STRBP: variants seen among roughly 807,000 people sequenced by gnomAD.
STRBP encodes the protein spermatid perinuclear RNA-binding protein.
Under a neutral mutation model 80.1 loss-of-function variants are expected in STRBP, and 13 were observed. That is an observed-to-expected ratio of 0.16 (90% CI 0.11 to 0.26). The LOEUF (loss-of-function observed/expected upper bound fraction) is 0.26, where lower values mean the gene tolerates loss of function less well. Among genes scored for constraint, STRBP ranks in the 10% least tolerant of loss-of-function variants. The probability of loss-of-function intolerance (pLI) is 1.00; values close to 1 mark genes in which losing one functional copy is unlikely to be tolerated. For missense variants in STRBP, 485 were observed against 815.2 expected, an observed-to-expected ratio of 0.59 and a Z score of 4.93; for synonymous variants, 284 against 291.2, an observed-to-expected ratio of 0.98 and a Z score of 0.25.
At position 123,136,267 on chromosome 9, in the gene STRBP, C is replaced by G. The variant is rs1447391806; in HGVS notation, c.1633-86G>C. 7 of 1,594,380 alleles carry G rather than the reference C, an allele frequency of 4.4e-6. No individual in the cohort carries two copies. The highest frequency in any genetic ancestry group is 1.1e-5 in the South Asian group (1 of 88,490). Reference sequence around the variant, plus strand: ...TAAATAGATTATGACACAGAAAACACCAAAAATCAAATAGTGCCACAAGAA... The same window carrying G: ...TAAATAGATTATGACACAGAAAACAGCAAAAATCAAATAGTGCCACAAGAA... On this transcript the variant is annotated intron_variant, in intron 15 of 18. Coordinates refer to ENST00000348403, the MANE Select transcript of STRBP (RefSeq NM_018387.5). This position sits in a 1 kb window ranked among gnomAD's most constrained non-coding sequence, Gnocchi z 4.2.
At chr9:123,251,430 T>C (rs1178827205) in intron 1 of STRBP, among the ~76,000 whole-genome samples, 1 of 152,146 alleles carries the variant, frequency 6.6e-6, no homozygotes, top group Admixed American at 6.5e-5. Flanking sequence ...AGTTAATACA[T>C]GGTGGAATCA....
intron 4 of STRBP, among the ~76,000 whole-genome samples, chr9:123,178,100 CTGAT>C (rs776962741): frequency 1.1e-4 from 17 of 152,158 alleles, no homozygotes; most frequent in Non-Finnish European, 2.2e-4. Context: ...AACTGACACA[CTGAT>C]TATCTTTGAT....
intron 2 of STRBP, among the ~76,000 whole-genome samples, chr9:123,216,844 G>C (rs2039915206): frequency 6.6e-6 from 1 of 152,100 alleles, no homozygotes; most frequent in African/African-American, 2.4e-5. Flanking sequence ...AACTCTACAA[G>C]GTAAATGTGA....
At chr9:123,163,566 T>C (rs907697570) in intron 6 of STRBP, among the ~76,000 whole-genome samples, 1 of 152,174 alleles carries the variant, frequency 6.6e-6, no homozygotes, top group Non-Finnish European at 1.5e-5. Flanking sequence ...ATTCAGGAGG[T>C]AGAAAACAGT....
chr9:123,150,424 T>C (rs1015094678), intron 11 of STRBP, among the ~76,000 whole-genome samples: 6 of 152,178 alleles, frequency 3.9e-5, no homozygotes, highest in African/African-American at 1.4e-4. Context: ...GAGGTGAGCC[T>C]GGCACGGTGC....
chr9:123,204,267 T>C (rs1019778200), intron 2 of STRBP, among the ~76,000 whole-genome samples: 39 of 152,328 alleles, frequency 2.6e-4, no homozygotes, highest in African/African-American at 9.1e-4. Context: ...AGCACAAATA[T>C]ACAAAGATGT....
intron 12 of STRBP, among the ~76,000 whole-genome samples, chr9:123,147,505 G>A (rs183174731): frequency 4.6e-5 from 7 of 151,808 alleles, no homozygotes; most frequent in African/African-American, 1.7e-4. Flanking sequence ...GCAAAATCCT[G>A]TCTCTACCAA....
At position 123,122,840 on chromosome 9, in the gene STRBP, G is replaced by A. The variant is rs112682116; in HGVS notation, c.*2757C>T. ...TGTCAGAACATAGCACAGCTCACAC[G>A]CTAATTTTAAGCTCTACACTGACCT... On this transcript the variant is annotated 3_prime_UTR_variant, in exon 19 of 19. Coordinates refer to ENST00000348403, the MANE Select transcript of STRBP (RefSeq NM_018387.5). 788 of 986,498 alleles carry A rather than the reference G, an allele frequency of 8.0e-4. 4 individuals carry two copies. In the African/African-American group the frequency reaches 0.012, roughly 15 times the overall value. The allele number at this position is 986,498 out of a possible 1,614,324, so 61.1% of individuals were successfully genotyped here.
Position 123,122,440 on chromosome 9 carries a change from T to TA in STRBP, c.*3156dup, listed in dbSNP as rs59308998. On this transcript the variant is annotated 3_prime_UTR_variant, in exon 19 of 19. Transcript: ENST00000348403. ...TGATTTTCAAACATTCACCCAAAATTAAAAAAAAAAAAAAAAAGAAAAGGC... is the reference window on the plus strand; with the variant it reads ...TGATTTTCAAACATTCACCCAAAATTAAAAAAAAAAAAAAAAAAGAAAAGGC... 269 of 1,059,154 alleles carry TA rather than the reference T, an allele frequency of 2.5e-4. No homozygotes were observed. Among genetic ancestry groups the TA allele is most frequent in the South Asian group, 1.0e-3 (50 of 49,050 alleles). The allele number at this position is 1,059,154 out of a possible 1,614,324, so 65.6% of individuals were successfully genotyped here. A position where few individuals can be genotyped will look rare whatever the true frequency, so the allele number is the denominator to read the frequency against.
intron 2 of STRBP, among the ~76,000 whole-genome samples, chr9:123,201,374 T>G (rs2039320320): frequency 6.6e-6 from 1 of 152,224 alleles, no homozygotes; most frequent in Admixed American, 6.5e-5. Context: ...AGCACTGCTT[T>G]TGCTGTATCC....
intron 4 of STRBP, among the ~76,000 whole-genome samples, chr9:123,177,351 G>T (rs1483354902): frequency 6.6e-6 from 1 of 152,128 alleles, no homozygotes; most frequent in Non-Finnish European, 1.5e-5. Flanking sequence ...ATAGCTTGAG[G>T]TCAGGAATTC....
At chr9:123,201,482 G>A (rs914440225) in intron 2 of STRBP, among the ~76,000 whole-genome samples, 1 of 152,130 alleles carries the variant, frequency 6.6e-6, no homozygotes, top group Non-Finnish European at 1.5e-5. Context: ...TCATTCAGGA[G>A]CAGAATATTT....
chr9:123,258,784 G>A (rs550467250), intron 1 of STRBP, among the ~76,000 whole-genome samples: 4 of 133,698 alleles, frequency 3.0e-5, no homozygotes, highest in Non-Finnish European at 6.1e-5. Context: ...CTGGGTGACA[G>A]AGCGAGACTC....
intron 2 of STRBP, among the ~76,000 whole-genome samples, chr9:123,203,983 AAAAC>A (rs2039424081): frequency 2.3e-5 from 3 of 130,980 alleles, no homozygotes; most frequent in Admixed American, 7.6e-5. Context: ...AAAAAACAAA[AAAAC>A]AAAACAAACA....
intron 4 of STRBP, among the ~76,000 whole-genome samples, chr9:123,176,313 C>G (rs1238146956): frequency 1.3e-5 from 2 of 152,194 alleles, no homozygotes; most frequent in African/African-American, 4.8e-5. Context: ...CCAGAACCAG[C>G]ACATCATCGT....
intron 2 of STRBP, among the ~76,000 whole-genome samples, chr9:123,209,085 G>A (rs920301550): frequency 6.6e-6 from 1 of 152,116 alleles, no homozygotes; most frequent in African/African-American, 2.4e-5. Flanking sequence ...GCAGCCTGTT[G>A]CCCAAAGCCT....
chr9:123,129,383 A>C (rs2036036308), intron 17 of STRBP, among the ~76,000 whole-genome samples: 1 of 152,164 alleles, frequency 6.6e-6, no homozygotes. Context: ...ACAACAACTT[A>C]TTCATTTATA....
At chr9:123,254,057 G>GAA (rs139900116) in intron 1 of STRBP, among the ~76,000 whole-genome samples, 1 of 151,834 alleles carries the variant, frequency 6.6e-6, no homozygotes, top group Non-Finnish European at 1.5e-5. Flanking sequence ...GAACGAGGGG[G>GAA]AAAAAATCTT....
chr9:123,169,176 T>A (rs2132423267), intron 6 of STRBP, among the ~76,000 whole-genome samples: 1 of 151,570 alleles, frequency 6.6e-6, no homozygotes, highest in East Asian at 1.9e-4. Flanking sequence ...ATAATTCTTT[T>A]TTTTTTTTTT....
Sources: gnomAD v4.1 joint callset for allele counts (sites outside exome capture counted in the v4.1 genomes callset) on GRCh38, gnomAD v4.1.1 for gene constraint, Gnocchi (gnomAD v3.1) non-coding constraint, MANE v1.5 for transcripts, NCBI Gene and HGNC (gene_info 2026-07-23, HGNC 2026-07-21) for gene names.